The following TAAR5 variants were observed in gnomAD, a reference collection of about 807,000 sequenced individuals.
TAAR5 encodes the protein trace amine-associated receptor 5.
Under a neutral mutation model 21.1 loss-of-function variants are expected in TAAR5, and 27 were observed. That is an observed-to-expected ratio of 1.28 (90% confidence interval 0.94 to 1.76). TAAR5 has a LOEUF of 1.76. Ranked by LOEUF, TAAR5 falls within the 40% of genes most tolerant of loss-of-function variation. TAAR5 has a pLI of 0.00. For missense variants in TAAR5, 495 were observed against 405.6 expected (o/e 1.22, Z -1.89); for synonymous variants, 203 against 167.5 (o/e 1.21, Z -1.64).
At chr6:132,601,982 A>AATTTTTTGAATTCAAAAT in the TAAR5 span, among the ~76,000 whole-genome samples, 2 of 152,198 alleles carry the variant, frequency 1.3e-5, no homozygotes, top group East Asian at 1.9e-4. Context: ...ACTCTTTTTG[A>AATTTTTTGAATTCAAAAT]ATTTTTTGAA....
the TAAR5 span, among the ~76,000 whole-genome samples, chr6:132,611,935 T>C: frequency 6.6e-6 from 1 of 152,224 alleles, no homozygotes; most frequent in Non-Finnish European, 1.5e-5. Context: ...TTTGAGGCAG[T>C]ATTCATTTTC....
the TAAR5 span, chr6:132,608,497 A>G: frequency 2.2e-6 from 1 of 455,936 alleles, no homozygotes; most frequent in Non-Finnish European, 4.4e-6. Flanking sequence ...CACCCCCATT[A>G]CTATACCCAG....
the TAAR5 span, among the ~76,000 whole-genome samples, chr6:132,601,623 T>G: frequency 6.6e-6 from 1 of 152,224 alleles, no homozygotes; most frequent in Non-Finnish European, 1.5e-5. Context: ...CATTATTTGT[T>G]GTAGCAAAAG....
At chr6:132,609,818 G>T in the TAAR5 span, among the ~76,000 whole-genome samples, 2 of 152,140 alleles carry the variant, frequency 1.3e-5, no homozygotes, top group Non-Finnish European at 2.9e-5. Context: ...AGTTATAAAT[G>T]GCATATTGCT....
chr6:132,606,447 GAT>G, the TAAR5 span, among the ~76,000 whole-genome samples: 6 of 152,284 alleles, frequency 3.9e-5, no homozygotes, highest in South Asian at 1.2e-3. Flanking sequence ...ATGAGTGGGT[GAT>G]GTCTACTGTC....
the TAAR5 span, among the ~76,000 whole-genome samples, chr6:132,615,365 A>G: frequency 1.3e-5 from 2 of 152,222 alleles, no homozygotes; most frequent in African/African-American, 4.8e-5. Flanking sequence ...TCCTGAATGT[A>G]ACAAGAAAGT....
the TAAR5 span, among the ~76,000 whole-genome samples, chr6:132,612,856 A>G: frequency 6.6e-6 from 1 of 152,324 alleles, no homozygotes; most frequent in Non-Finnish European, 1.5e-5. Context: ...ATTTAAGTCC[A>G]TGAATACATA....
rs34746740 is a variant in TAAR5, at chr6:132,588,872, G to T, written c.815C>A (p.Thr272Lys). Residue 272 changes from threonine (T) to lysine (K), a missense_variant, in exon 1 of 1, where the codon ACG becomes AAG. Thr to Lys is a moderately conservative substitution (Grantham distance 78). Coordinates refer to ENST00000258034, the MANE Select transcript of TAAR5 (RefSeq NM_003967.3). Reference sequence around the variant, plus strand: ...AAAGTGAAGGAGGCTGTCGACCATCGTGTCTATGGTGAAGGGCAGCCAGCA... The same window carrying T: ...AAAGTGAAGGAGGCTGTCGACCATCTTGTCTATGGTGAAGGGCAGCCAGCA... ...LLCWLPFTIDTMVDSLLHFIT... is the reference protein window; with the variant it reads ...LLCWLPFTIDKMVDSLLHFIT... 5.6e-6 allele frequency: 9 copies of T among 1,613,996 alleles called. No individual in the cohort carries two copies. Among genetic ancestry groups the T allele is most frequent in the Non-Finnish European group, 6.8e-6 (8 of 1,180,006 alleles).
the TAAR5 span, among the ~76,000 whole-genome samples, chr6:132,601,105 GA>G: frequency 7.9e-6 from 1 of 125,882 alleles, no homozygotes; most frequent in Non-Finnish European, 1.7e-5. Flanking sequence ...GGGAAGGAGG[GA>G]AGAAGGGAAG....
At chr6:132,594,994 G>A in the TAAR5 span, 1 of 152,202 alleles carries the variant, frequency 6.6e-6, no homozygotes, top group Non-Finnish European at 1.5e-5. Context: ...TTCTATGACA[G>A]GGATGGTAAT....
At chr6:132,603,251 C>T in the TAAR5 span, among the ~76,000 whole-genome samples, 14 of 145,032 alleles carry the variant, frequency 9.7e-5, no homozygotes, top group Admixed American at 2.2e-4. Context: ...TGTAGTGAGC[C>T]GTGATTGTGC....
chr6:132,599,481 A>G, the TAAR5 span, among the ~76,000 whole-genome samples: 1 of 151,414 alleles, frequency 6.6e-6, no homozygotes, highest in Non-Finnish European at 1.5e-5. Flanking sequence ...GGCACCTGAC[A>G]CCATGCCTGG....
At chr6:132,613,205 T>C in the TAAR5 span, among the ~76,000 whole-genome samples, 3 of 152,200 alleles carry the variant, frequency 2.0e-5, no homozygotes, top group African/African-American at 2.4e-5. Context: ...AAGAACACAA[T>C]GAGGCTCACA....
upstream of TAAR5, among the ~76,000 whole-genome samples, chr6:132,590,551 C>A (rs539902758): frequency 1.3e-5 from 2 of 152,114 alleles, no homozygotes; most frequent in Non-Finnish European, 2.9e-5. Context: ...CAGGTGGACA[C>A]AGGGAATGTC....
At chr6:132,592,487 T>C (rs1298218157), upstream of TAAR5, among the ~76,000 whole-genome samples, 2 of 152,236 alleles carry the variant, frequency 1.3e-5, no homozygotes, top group Non-Finnish European at 2.9e-5. Flanking sequence ...AAAATCTGTC[T>C]GATATGATTT....
At chr6:132,609,272 T>C in the TAAR5 span, 1 of 317,582 alleles carries the variant, frequency 3.1e-6, no homozygotes, top group Non-Finnish European at 6.1e-6. Context: ...ATAAGTTAGA[T>C]CCATGGTGCT....
chr6:132,589,621 C>T lies in TAAR5; in HGVS notation c.66G>A (p.Gly22=). ...HPAAFCYQVN[G]SCPRTVHTLG... is the part of the protein sequence containing the mutation. ...GAGTATGTACTGTCCTGGGGCAAGA[C>T]CCATTCACCTGGTAGCAGAATGCCG... Residue 22 remains glycine (G), a synonymous_variant, in exon 1 of 1, where the codon GGG becomes GGA. Coordinates refer to ENST00000258034, the MANE Select transcript of TAAR5 (RefSeq NM_003967.3). 1.2e-6 allele frequency: 2 copies of T among 1,613,550 alleles called. No homozygotes were observed. The highest frequency in any genetic ancestry group is 1.7e-6 in the Non-Finnish European group (2 of 1,179,774).
the TAAR5 span, among the ~76,000 whole-genome samples, chr6:132,604,350 C>A: frequency 1.3e-5 from 2 of 151,886 alleles, no homozygotes; most frequent in African/African-American, 4.8e-5. Flanking sequence ...ACCATTTTGG[C>A]CAAGACGGTC....
chr6:132,589,272 G>T lies in TAAR5; in HGVS notation c.415C>A (p.Pro139Thr), dbSNP rs1210773984. The change falls in exon 1 of 1, where the codon CCC becomes ACC. Residue 139 changes from proline (P) to threonine (T), a missense_variant. By Grantham distance (38) the Pro-to-Thr change is conservative. Transcript: ENST00000258034. ...SIDRHCAICD[P>T]LLYPSKFTVR... is the part of the protein sequence containing the mutation. ...GTGAACTTGGAGGGATAGAGCAGGG[G>T]GTCACAGATGGCACAGTGGCGGTCA... 21 of 1,610,776 alleles carry T rather than the reference G, an allele frequency of 1.3e-5. No homozygotes were observed. The highest frequency in any genetic ancestry group is 1.8e-5 in the Non-Finnish European group (21 of 1,178,366).
Sources: allele counts gnomAD v4.1 joint callset (sites outside exome capture counted in the v4.1 genomes callset), GRCh38; gene constraint gnomAD v4.1.1; transcripts MANE v1.5; gene names NCBI Gene and HGNC (gene_info 2026-07-23, HGNC 2026-07-21).